Variants in ROBO2 observed in about 807,000 individuals in gnomAD.
The protein encoded by ROBO2 is roundabout homolog 2.
A neutral mutation model predicts 160.8 loss-of-function variants in ROBO2; 53 were observed. The ratio of observed to expected loss-of-function variants is 0.33; its 90% CI spans 0.26 to 0.41. ROBO2 has a LOEUF of 0.41. Among genes scored for constraint, ROBO2 ranks in the 10% least tolerant of loss-of-function variants. ROBO2 has a pLI of 1.00. For missense variants in ROBO2, 1,577 were observed against 1,722.4 expected, an observed-to-expected ratio of 0.92 and a Z score of 1.49; for synonymous variants, 664 against 611.7, an observed-to-expected ratio of 1.09 and a Z score of -1.26.
At chr3:76,777,487 T>C (rs2062346672) in intron 2 of ROBO2, among the ~76,000 whole-genome samples, 1 of 151,110 alleles carries the variant, frequency 6.6e-6, no homozygotes, top group African/African-American at 2.4e-5. Flanking sequence ...TTGAGCAGAA[T>C]TATAAAAGCT....
chr3:76,708,407 T>C (rs2093216206), intron 2 of ROBO2, among the ~76,000 whole-genome samples: 1 of 152,330 alleles, frequency 6.6e-6, no homozygotes, highest in East Asian at 1.9e-4. Flanking sequence ...GTTTAATAGC[T>C]GTTATTTCTG....
intron 2 of ROBO2, among the ~76,000 whole-genome samples, chr3:77,461,961 G>C (rs2082292198): frequency 6.6e-6 from 1 of 152,010 alleles, no homozygotes; most frequent in Non-Finnish European, 1.5e-5. Flanking sequence ...TCTGACCTCA[G>C]GTGATCCACC....
chr3:76,966,120 C>T (rs2059280432), intron 2 of ROBO2, among the ~76,000 whole-genome samples: 1 of 151,748 alleles, frequency 6.6e-6, no homozygotes, highest in Non-Finnish European at 1.5e-5. Flanking sequence ...CGGGGTTTCT[C>T]CATGTTGGTC....
chr3:76,877,392 T>A (rs1313419770), intron 2 of ROBO2, among the ~76,000 whole-genome samples: 2 of 152,186 alleles, frequency 1.3e-5, no homozygotes, highest in African/African-American at 4.8e-5. Context: ...GCTCTAAGGT[T>A]GTGGAATCTT....
In ROBO2 at chr3:76,073,355, G is replaced by A. The variant is rs2068533116; in HGVS notation, c.109+135753G>A. Among the ~76,000 whole-genome samples, 6 of 127,310 alleles carry A rather than the reference G, an allele frequency of 4.7e-5. No individual in the cohort carries two copies. The South Asian group carries it at 1.5e-3, about 31-fold the overall frequency. The allele number at this position is 127,310 out of a possible 152,430, so 83.5% of individuals were successfully genotyped here. A position where few individuals can be genotyped will look rare whatever the true frequency, so the allele number is the denominator to read the frequency against. The stretch of plus-strand genomic sequence containing the variant: ...GTCACCCAGGCTGGAGTGCAGGGGC[G>A]CGATCTGGGCTCACTGCAAGCTCCC... On this transcript the variant is annotated intron_variant, in intron 2 of 26. Transcript: ENST00000487694.
intron 2 of ROBO2, among the ~76,000 whole-genome samples, chr3:77,154,595 C>T (rs1295259296): frequency 6.6e-6 from 1 of 151,998 alleles, no homozygotes; most frequent in Non-Finnish European, 1.5e-5. Flanking sequence ...ACAGTATTCA[C>T]AATAGCAAAG....
At chr3:77,311,249 A>G (rs2063520263) in intron 2 of ROBO2, among the ~76,000 whole-genome samples, 1 of 152,198 alleles carries the variant, frequency 6.6e-6, no homozygotes. Flanking sequence ...CCACAAAACT[A>G]CATACATCAG....
intron 2 of ROBO2, among the ~76,000 whole-genome samples, chr3:76,929,425 G>T (rs2077195820): frequency 6.6e-6 from 1 of 152,152 alleles, no homozygotes; most frequent in Non-Finnish European, 1.5e-5. Context: ...TCTGTCCACA[G>T]ATCCTGTGAC....
chr3:77,174,974 A>G (rs2079996830), intron 2 of ROBO2, among the ~76,000 whole-genome samples: 1 of 152,080 alleles, frequency 6.6e-6, no homozygotes, highest in Admixed American at 6.6e-5. Flanking sequence ...TACTGTCACC[A>G]TACGGTTTTT....
intron 2 of ROBO2, among the ~76,000 whole-genome samples, chr3:76,635,226 T>TC (rs1365432271): frequency 6.6e-6 from 1 of 152,216 alleles, no homozygotes; most frequent in African/African-American, 2.4e-5. Context: ...ACTGATGCTG[T>TC]CTGGCTCTTG....
intron 2 of ROBO2, among the ~76,000 whole-genome samples, chr3:76,013,508 G>C (rs2066277726): frequency 6.6e-6 from 1 of 150,682 alleles, no homozygotes; most frequent in African/African-American, 2.4e-5. Context: ...AAAGGCAGTT[G>C]GAGGCTGGGC....
chr3:76,484,788 A>T (rs2079400759), intron 2 of ROBO2, among the ~76,000 whole-genome samples: 1 of 152,170 alleles, frequency 6.6e-6, no homozygotes. Context: ...CCAGCAAGAA[A>T]ACATTTTATC....
chr3:76,562,907 C>T (rs2084288060), intron 2 of ROBO2, among the ~76,000 whole-genome samples: 1 of 152,106 alleles, frequency 6.6e-6, no homozygotes, highest in South Asian at 2.1e-4. Context: ...TCCCTTCCTT[C>T]CTTCCTTCCT....
intron 2 of ROBO2, among the ~76,000 whole-genome samples, chr3:76,256,705 A>G (rs565267343): frequency 2.0e-5 from 3 of 151,968 alleles, no homozygotes; most frequent in African/African-American, 7.2e-5. Context: ...AGTAAAGTTA[A>G]CTTTTGTGTT....
At chr3:77,288,865 A>T (rs2060811441) in intron 2 of ROBO2, among the ~76,000 whole-genome samples, 1 of 152,164 alleles carries the variant, frequency 6.6e-6, no homozygotes, top group Non-Finnish European at 1.5e-5. Flanking sequence ...GGAGAATATA[A>T]TTTACCAGTA....
intron 2 of ROBO2, among the ~76,000 whole-genome samples, chr3:76,575,177 C>T (rs1210401403): frequency 2.6e-5 from 4 of 152,010 alleles, no homozygotes; most frequent in Admixed American, 6.6e-5. Context: ...AATCCTTCTG[C>T]CTCAAAAACT....
At chr3:77,628,842 A>T (rs1284744856) in intron 23 of ROBO2, among the ~76,000 whole-genome samples, 2 of 152,136 alleles carry the variant, frequency 1.3e-5, no homozygotes, top group East Asian at 3.9e-4. Context: ...GGGTCATGAG[A>T]TTTCCTGTTG....
intron 2 of ROBO2, among the ~76,000 whole-genome samples, chr3:76,746,356 G>A (rs1003717905): frequency 6.6e-5 from 10 of 151,996 alleles, no homozygotes; most frequent in East Asian, 3.9e-4. Flanking sequence ...CCCAGTAATG[G>A]GATGGCTGGG....
chr3:76,483,309 TA>T (rs2079307166), intron 2 of ROBO2, among the ~76,000 whole-genome samples: 1 of 107,950 alleles, frequency 9.3e-6, no homozygotes, highest in Non-Finnish European at 2.1e-5. Flanking sequence ...TAACTGTCAT[TA>T]TTTTTTTTTT....
Sources: allele counts gnomAD v4.1 joint callset (sites outside exome capture counted in the v4.1 genomes callset), GRCh38; gene constraint gnomAD v4.1.1; transcripts MANE v1.5; gene names NCBI Gene and HGNC (gene_info 2026-07-23, HGNC 2026-07-21).